The following PDZRN4 variants were observed in gnomAD, a reference collection of about 807,000 sequenced individuals.
PDZRN4 encodes the protein PDZ domain-containing RING finger protein 4.
PDZRN4 carries 70 observed loss-of-function variants against 99.0 expected under a neutral mutation model. The observed-to-expected ratio is 0.71, with a 90% CI of 0.58 to 0.86. The LOEUF is 0.86. Among genes scored for constraint, PDZRN4 ranks in the 40% least tolerant of loss-of-function variants. The probability of loss-of-function intolerance (pLI) is 0.00; values close to 1 mark genes in which losing one functional copy is unlikely to be tolerated. For missense variants in PDZRN4, 1,474 were observed against 1,331.2 expected, an observed-to-expected ratio of 1.11 and a Z score of -1.67; for synonymous variants, 551 against 501.6, an observed-to-expected ratio of 1.10 and a Z score of -1.32.
intron 3 of PDZRN4, among the ~76,000 whole-genome samples, chr12:41,332,500 G>A (rs1951746334): frequency 6.6e-6 from 1 of 151,960 alleles, no homozygotes; most frequent in Admixed American, 6.6e-5. Flanking sequence ...GAGTGATCAG[G>A]TCATCAGGAG....
chr12:41,452,459 A>AAGAG (rs1952783567), intron 3 of PDZRN4, among the ~76,000 whole-genome samples: 1 of 151,468 alleles, frequency 6.6e-6, no homozygotes, highest in Non-Finnish European at 1.5e-5. Context: ...AAAAGAAAGA[A>AAGAG]AGAAAAATTA....
chr12:41,253,645 G>A (rs1951185978), intron 3 of PDZRN4, among the ~76,000 whole-genome samples: 1 of 152,070 alleles, frequency 6.6e-6, no homozygotes, highest in African/African-American at 2.4e-5. Flanking sequence ...CTGGGCATAT[G>A]GCCAAAAAGA....
chr12:41,208,039 T>A (rs1459767267), intron 3 of PDZRN4, among the ~76,000 whole-genome samples: 1 of 151,906 alleles, frequency 6.6e-6, no homozygotes, highest in Non-Finnish European at 1.5e-5. Context: ...TATTGAAAGA[T>A]CCTGAAACAT....
At chr12:41,538,910 T>C (rs569748195) in intron 5 of PDZRN4, among the ~76,000 whole-genome samples, 1 of 152,070 alleles carries the variant, frequency 6.6e-6, no homozygotes, top group South Asian at 2.1e-4. Context: ...CTTATGAAAA[T>C]TTAACAGTGC....
intron 3 of PDZRN4, among the ~76,000 whole-genome samples, chr12:41,205,726 T>G (rs1463550726): frequency 6.6e-6 from 1 of 151,898 alleles, no homozygotes; most frequent in African/African-American, 2.4e-5. Flanking sequence ...AATTAGAAAT[T>G]ACCTGTTTCT....
At chr12:41,259,626 A>G (rs551565864) in intron 3 of PDZRN4, among the ~76,000 whole-genome samples, 1 of 152,294 alleles carries the variant, frequency 6.6e-6, no homozygotes, top group Admixed American at 6.5e-5. Context: ...GTGGACAAAG[A>G]CTTCAAGACA....
chr12:41,427,707 A>G (rs1206783154), intron 3 of PDZRN4, among the ~76,000 whole-genome samples: 1 of 152,180 alleles, frequency 6.6e-6, no homozygotes, highest in African/African-American at 2.4e-5. Context: ...GACCATTTTC[A>G]TGATGGAAAA....
At chr12:41,202,095 A>C (rs889311854) in intron 3 of PDZRN4, among the ~76,000 whole-genome samples, 1 of 152,140 alleles carries the variant, frequency 6.6e-6, no homozygotes, top group African/African-American at 2.4e-5. Context: ...AGGAACTAAA[A>C]AGATGGAAGA....
chr12:41,397,128 A>G (rs1315644860), intron 3 of PDZRN4, among the ~76,000 whole-genome samples: 2 of 152,172 alleles, frequency 1.3e-5, no homozygotes, highest in Admixed American at 1.3e-4. Context: ...TAAATGCTTA[A>G]TTGTTTTAAA....
intron 3 of PDZRN4, chr12:41,438,158 T>C (rs1394695286): frequency 3.1e-6 from 3 of 983,580 alleles, no homozygotes; most frequent in Non-Finnish European, 4.5e-6. Context: ...GCTTTTAATT[T>C]TGGTTTTGGG....
At chr12:41,414,874 C>T (rs1011137402) in intron 3 of PDZRN4, among the ~76,000 whole-genome samples, 1 of 152,126 alleles carries the variant, frequency 6.6e-6, no homozygotes, top group African/African-American at 2.4e-5. Flanking sequence ...GAGAAGCGTT[C>T]TTTATTCACA....
intron 3 of PDZRN4, among the ~76,000 whole-genome samples, chr12:41,226,057 A>C (rs1950992106): frequency 6.6e-6 from 1 of 152,000 alleles, no homozygotes; most frequent in East Asian, 1.9e-4. Context: ...GATGTCTTGA[A>C]AGGTTCGTAC....
intron 3 of PDZRN4, among the ~76,000 whole-genome samples, chr12:41,265,777 A>T (rs533433056): frequency 6.6e-6 from 1 of 152,212 alleles, no homozygotes; most frequent in Admixed American, 6.5e-5. Context: ...TGTAAAGGAT[A>T]CTATTATCAA....
In PDZRN4 at chr12:41,221,679, C is replaced by T. The variant is rs1044606862; in HGVS notation, c.843+27491C>T. 3.9e-5 allele frequency among the ~76,000 whole-genome samples: 6 copies of T among 151,968 alleles called. No homozygotes were observed. In the East Asian group the frequency reaches 1.2e-3, roughly 29 times the overall value. On this transcript the variant is annotated intron_variant, in intron 3 of 9. Coordinates refer to ENST00000402685, the MANE Select transcript of PDZRN4 (RefSeq NM_001164595.2). ...AAGCCAACTGCTTCTAGATCGCAAG[C>T]AGTTAGCGGTCAAATTACGGTGACT...
At chr12:41,365,153 T>C (rs1169410393) in intron 3 of PDZRN4, among the ~76,000 whole-genome samples, 1 of 152,038 alleles carries the variant, frequency 6.6e-6, no homozygotes, top group Admixed American at 6.6e-5. Flanking sequence ...TCTGTTCTCT[T>C]AGAGTTCAGT....
intron 3 of PDZRN4, among the ~76,000 whole-genome samples, chr12:41,262,984 C>A (rs927840425): frequency 4.1e-5 from 6 of 145,302 alleles, no homozygotes; most frequent in Admixed American, 1.3e-4. Context: ...AAATATATCT[C>A]ACTAACTAAA....
intron 3 of PDZRN4, chr12:41,473,635 T>C (rs1335291487): frequency 1.3e-5 from 2 of 152,278 alleles, no homozygotes; most frequent in African/African-American, 2.4e-5. Context: ...CTCCTGTTGA[T>C]TATCTCTTGT....
chr12:41,248,132 T>C (rs1016728199), intron 3 of PDZRN4, among the ~76,000 whole-genome samples: 1 of 152,218 alleles, frequency 6.6e-6, no homozygotes, highest in Non-Finnish European at 1.5e-5. Flanking sequence ...AGCAACTATA[T>C]TTAGAAAATT....
At chr12:41,422,625 C>T (rs182199850) in intron 3 of PDZRN4, among the ~76,000 whole-genome samples, 178 of 152,152 alleles carry the variant, frequency 1.2e-3, no homozygotes, top group African/African-American at 3.9e-3. Flanking sequence ...GAATGTGCCA[C>T]ACTTTAAAAC....
Sources: allele counts gnomAD v4.1 joint callset (sites outside exome capture counted in the v4.1 genomes callset), GRCh38; gene constraint gnomAD v4.1.1; transcripts MANE v1.5; gene names NCBI Gene and HGNC (gene_info 2026-07-23, HGNC 2026-07-21).